The following EIF3H variants were observed in gnomAD, a reference collection of about 807,000 sequenced individuals.
The protein encoded by EIF3H is eukaryotic translation initiation factor 3 subunit H, also known as eIF-3-gamma.
EIF3H carries 26 observed loss-of-function variants against 44.2 expected under a neutral mutation model. That is an observed-to-expected ratio of 0.59 (90% confidence interval 0.43 to 0.82). The LOEUF is 0.82. Ranked by LOEUF, EIF3H falls within the 40% of genes least tolerant of loss-of-function variation. The pLI, the probability that EIF3H is intolerant of heterozygous loss-of-function variation, is 0.00. For missense variants in EIF3H, 359 were observed against 432.8 expected, an observed-to-expected ratio of 0.83 and a Z score of 1.51; for synonymous variants, 166 against 151.9, an observed-to-expected ratio of 1.09 and a Z score of -0.68.
intron 2 of EIF3H, among the ~76,000 whole-genome samples, chr8:116,674,687 G>A (rs539438149): frequency 1.3e-5 from 2 of 152,262 alleles, no homozygotes; most frequent in East Asian, 1.9e-4. Context: ...GTATGTGACT[G>A]ATATTGACCA....
At chr8:116,739,689 T>C (rs1815099717) in intron 1 of EIF3H, among the ~76,000 whole-genome samples, 1 of 152,082 alleles carries the variant, frequency 6.6e-6, no homozygotes, top group Non-Finnish European at 1.5e-5. Context: ...TGTGGGTAAA[T>C]CTCTGTTGGA....
chr8:116,726,299 T>C, intron 1 of EIF3H, 127 bp from the exon 2 acceptor site: 1 of 1,009,468 alleles, frequency 9.9e-7, no homozygotes, highest in Non-Finnish European at 1.4e-6. Context: ...GAGGAATAAA[T>C]AAATGTCTTA....
At chr8:116,682,137 C>G (rs1207632128) in intron 2 of EIF3H, among the ~76,000 whole-genome samples, 1 of 152,154 alleles carries the variant, frequency 6.6e-6, no homozygotes, top group Non-Finnish European at 1.5e-5. Flanking sequence ...CTCAAAGGAT[C>G]AGGCCACTCT....
At chr8:116,654,649 C>T (rs1813457949) in intron 5 of EIF3H, among the ~76,000 whole-genome samples, 1 of 152,148 alleles carries the variant, frequency 6.6e-6, no homozygotes, top group Non-Finnish European at 1.5e-5. Context: ...TATATGTTTG[C>T]AGTCAAACAG....
chr8:116,712,114 CGCTGCT>C (rs971679842), intron 2 of EIF3H, among the ~76,000 whole-genome samples: 1 of 152,162 alleles, frequency 6.6e-6, no homozygotes, highest in Non-Finnish European at 1.5e-5. Context: ...CCGCCGCCGC[CGCTGCT>C]GCTGCTGTCA....
At chr8:116,736,698 C>T (rs568770062) in intron 1 of EIF3H, among the ~76,000 whole-genome samples, 90 of 152,106 alleles carry the variant, frequency 5.9e-4, no homozygotes, top group African/African-American at 1.7e-3. Flanking sequence ...TGTATAAATA[C>T]CTTAACTGAA....
chr8:116,727,640 G>A (rs1251693930), intron 1 of EIF3H, among the ~76,000 whole-genome samples: 3 of 152,170 alleles, frequency 2.0e-5, no homozygotes, highest in East Asian at 1.9e-4. Context: ...TAGTTGGGGG[G>A]TTAGTTTTTA....
At chr8:116,680,163 C>G (rs1813951962) in intron 2 of EIF3H, among the ~76,000 whole-genome samples, 2 of 63,556 alleles carry the variant, frequency 3.1e-5, no homozygotes, top group South Asian at 6.6e-4. Context: ...GAAGTGAGGA[C>G]CCCTCTGCCT....
chr8:116,666,963 ATACACCTGTG>A (rs1563636908), intron 2 of EIF3H, among the ~76,000 whole-genome samples: 1 of 152,188 alleles, frequency 6.6e-6, no homozygotes, highest in Non-Finnish European at 1.5e-5. Flanking sequence ...GTGTGTGTGC[ATACACCTGTG>A]TGCATGTGTA....
chr8:116,731,879 C>T (rs1206750043), intron 1 of EIF3H, among the ~76,000 whole-genome samples: 2 of 152,198 alleles, frequency 1.3e-5, no homozygotes, highest in Non-Finnish European at 2.9e-5. Context: ...AGAAACCCAA[C>T]TTAGCAAATT....
chr8:116,659,819 ACAG>A (rs1004661072), intron 2 of EIF3H, among the ~76,000 whole-genome samples: 2 of 152,190 alleles, frequency 1.3e-5, no homozygotes, highest in African/African-American at 2.4e-5. Flanking sequence ...ACAATAATGC[ACAG>A]CAAATATATA....
At chr8:116,711,368 T>G (rs1814569717) in intron 2 of EIF3H, among the ~76,000 whole-genome samples, 1 of 152,204 alleles carries the variant, frequency 6.6e-6, no homozygotes, top group South Asian at 2.1e-4. Context: ...CTCATCCTCT[T>G]CTAGTACTGA....
intron 2 of EIF3H, among the ~76,000 whole-genome samples, chr8:116,684,112 G>A (rs999290611): frequency 3.3e-5 from 5 of 152,146 alleles, no homozygotes; most frequent in Admixed American, 2.6e-4. Flanking sequence ...TTCCATTTCT[G>A]CAAAAAGAAC....
chr8:116,697,221 C>A (rs887170912), intron 2 of EIF3H: 1 of 456,042 alleles, frequency 2.2e-6, no homozygotes, highest in Admixed American at 2.4e-5. Flanking sequence ...CAGATCACCC[C>A]AAAGGAAATA....
chr8:116,678,683 CA>C (rs1277232375), intron 2 of EIF3H, among the ~76,000 whole-genome samples: 2 of 147,590 alleles, frequency 1.4e-5, no homozygotes, highest in Non-Finnish European at 3.0e-5. Context: ...TGCTGGGCCG[CA>C]ACCCTGTCTG....
intron 1 of EIF3H, among the ~76,000 whole-genome samples, chr8:116,735,204 C>G (rs1385731763): frequency 6.6e-6 from 1 of 152,204 alleles, no homozygotes; most frequent in Non-Finnish European, 1.5e-5. Context: ...ACATAATCTG[C>G]AAAACCTAGG....
At chr8:116,744,214 T>TAA (rs66854303) in intron 1 of EIF3H, among the ~76,000 whole-genome samples, 36,983 of 140,946 alleles carry the variant, frequency 0.26, 6,955 homozygotes, top group African/African-American at 0.54. Context: ...TAGAAAGTAT[T>TAA]AAAAAAAAAA....
intron 2 of EIF3H, among the ~76,000 whole-genome samples, chr8:116,725,279 G>A (rs1404020365): frequency 6.6e-6 from 1 of 152,186 alleles, no homozygotes; most frequent in African/African-American, 2.4e-5. Flanking sequence ...GATGAAAGAG[G>A]TGGAAAAAGG....
intron 2 of EIF3H, among the ~76,000 whole-genome samples, chr8:116,673,768 A>G (rs1478927783): frequency 1.3e-5 from 2 of 152,144 alleles, no homozygotes; most frequent in African/African-American, 2.4e-5. Flanking sequence ...TTCATTCAGC[A>G]CACTGTAAAG....
Sources: allele counts gnomAD v4.1 joint callset (sites outside exome capture counted in the v4.1 genomes callset), GRCh38; gene constraint gnomAD v4.1.1; transcripts MANE v1.5; gene names NCBI Gene and HGNC (gene_info 2026-07-23, HGNC 2026-07-21).